Variants in ADHFE1 observed in about 807,000 individuals in gnomAD.
ADHFE1 encodes the protein alcohol dehydrogenase iron containing 1.
In ADHFE1, 37 loss-of-function variants were observed where a neutral mutation model predicts 54.8. The observed-to-expected ratio is 0.68, with a 90% confidence interval of 0.52 to 0.89. ADHFE1 has a LOEUF of 0.89. Ranked by LOEUF, ADHFE1 falls within the 40% of genes least tolerant of loss-of-function variation. The pLI is 0.00. For missense variants in ADHFE1, 601 were observed against 591.2 expected (o/e 1.02, Z -0.17); for synonymous variants, 203 against 229.3 (o/e 0.89, Z 1.04).
chr8:66,432,930 T>G, intron 1 of ADHFE1: 1 of 1,063,890 alleles, frequency 9.4e-7, no homozygotes, highest in East Asian at 6.2e-5. Flanking sequence ...ATATATTATG[T>G]GCCAAAAACT....
At chr8:66,443,264 ATTTTTTTTT>A (rs540464621) in intron 3 of ADHFE1, among the ~76,000 whole-genome samples, 13 of 86,094 alleles carry the variant, frequency 1.5e-4, no homozygotes, top group Admixed American at 7.5e-4. Context: ...TAGTCCAGGA[ATTTTTTTTT>A]TTTTTTTTTT....
At chr8:66,436,924 G>A (rs1036281613) in intron 1 of ADHFE1, among the ~76,000 whole-genome samples, 1 of 152,194 alleles carries the variant, frequency 6.6e-6, no homozygotes, top group African/African-American at 2.4e-5. Flanking sequence ...AGGAGGGAGT[G>A]AACAGGAGGA....
intron 2 of ADHFE1, among the ~76,000 whole-genome samples, chr8:66,441,265 C>T (rs1375592335): frequency 1.3e-5 from 2 of 152,132 alleles, no homozygotes; most frequent in Non-Finnish European, 2.9e-5. Flanking sequence ...GAGACAGGGT[C>T]ACCCTCTGTC....
At chr8:66,455,998 T>C (rs1269551076) in intron 10 of ADHFE1, among the ~76,000 whole-genome samples, 2 of 152,048 alleles carry the variant, frequency 1.3e-5, no homozygotes, top group African/African-American at 4.8e-5. Context: ...TGTTCATCAA[T>C]AGTTCAAGAG....
intron 13 of ADHFE1, among the ~76,000 whole-genome samples, chr8:66,462,515 G>T (rs1005600731): frequency 2.0e-5 from 3 of 152,182 alleles, no homozygotes; most frequent in African/African-American, 7.2e-5. Flanking sequence ...GCTTCCCAAA[G>T]TCCTAGGGTT....
At position 66,459,425 on chromosome 8, in the gene ADHFE1, TA is replaced by T. The variant is rs1315740276; in HGVS notation, c.1163-882del. Reference sequence around the variant, plus strand: ...TTAATTTTTATTATATATATATATATATATATTTTTTTTTTTTTTTTAACAG... The same window carrying T: ...TTAATTTTTATTATATATATATATATTATATTTTTTTTTTTTTTTTAACAG... On this transcript the variant is annotated intron_variant, in intron 12 of 13. Transcript: ENST00000396623. 137 of 107,814 alleles carry T rather than the reference TA, an allele frequency of 1.3e-3. 2 individuals are homozygous for T. The highest frequency in any genetic ancestry group is 8.3e-3 in the Admixed American group (87 of 10,500). 6.7% of individuals were successfully genotyped at this position (107,814 alleles called of 1,614,324 possible).
chr8:66,433,865 A>T (rs1805327491), intron 1 of ADHFE1, among the ~76,000 whole-genome samples: 2 of 152,236 alleles, frequency 1.3e-5, no homozygotes, highest in South Asian at 2.1e-4. Context: ...AGCTGTGTTC[A>T]AATTTTTGGT....
At chr8:66,465,719 C>G (rs1807139220) in intron 13 of ADHFE1, among the ~76,000 whole-genome samples, 1 of 151,982 alleles carries the variant, frequency 6.6e-6, no homozygotes, top group Non-Finnish European at 1.5e-5. Context: ...CCTGCCTTAG[C>G]CTCCTGAGTA....
At chr8:66,445,532 C>A in intron 6 of ADHFE1, 118 bp downstream of exon 6, 2 of 917,744 alleles carry the variant, frequency 2.2e-6, no homozygotes, top group South Asian at 2.0e-5. Flanking sequence ...TTGTTCATTT[C>A]AAATCAATGC....
chr8:66,457,206 C>T (rs771101416), intron 12 of ADHFE1, 40 bp downstream of exon 12: 16 of 1,578,712 alleles, frequency 1.0e-5, no homozygotes, highest in African/African-American at 1.4e-5. Flanking sequence ...CGGCCAGGCA[C>T]GGTGGCTCCC....
At chr8:66,434,762 G>A (rs552575910) in intron 1 of ADHFE1, among the ~76,000 whole-genome samples, 101 of 152,360 alleles carry the variant, frequency 6.6e-4, no homozygotes, top group African/African-American at 2.1e-3. Context: ...GAGGCAAGGC[G>A]TGCACTGGCC....
chr8:66,462,961 A>G (rs529351347), intron 13 of ADHFE1, among the ~76,000 whole-genome samples: 14 of 152,316 alleles, frequency 9.2e-5, no homozygotes, highest in African/African-American at 3.1e-4. Flanking sequence ...AGCTGGTATT[A>G]CAGGCACACA....
At chr8:66,445,765 T>A (rs1225231929) in intron 6 of ADHFE1, among the ~76,000 whole-genome samples, 1 of 152,070 alleles carries the variant, frequency 6.6e-6, no homozygotes, top group Non-Finnish European at 1.5e-5. Flanking sequence ...CACTGTAGAG[T>A]TTAAGGAGAA....
At chr8:66,433,804 C>T (rs911442765) in intron 1 of ADHFE1, among the ~76,000 whole-genome samples, 3 of 152,170 alleles carry the variant, frequency 2.0e-5, no homozygotes, top group Non-Finnish European at 2.9e-5. Flanking sequence ...CTTGGAGAAT[C>T]AAAATATACA....
At chr8:66,463,606 TTTTG>T (rs57960361) in intron 13 of ADHFE1, among the ~76,000 whole-genome samples, 23,811 of 152,008 alleles carry the variant, frequency 0.16, 2,006 homozygotes, top group Middle Eastern at 0.21. Context: ...TACTATGGAA[TTTTG>T]TTTGTTTGTT....
chr8:66,448,829 T>C, intron 7 of ADHFE1, 36 bp from the exon 8 acceptor site: 1 of 1,555,574 alleles, frequency 6.4e-7, no homozygotes, highest in Non-Finnish European at 8.8e-7. Context: ...ATGATGCCCA[T>C]GGCTTTAGCC....
At chr8:66,465,105 A>G (rs1295767232) in intron 13 of ADHFE1, among the ~76,000 whole-genome samples, 1 of 152,204 alleles carries the variant, frequency 6.6e-6, no homozygotes, top group Non-Finnish European at 1.5e-5. Context: ...CATTTTGGTT[A>G]TGCATTTACC....
intron 13 of ADHFE1, among the ~76,000 whole-genome samples, chr8:66,466,391 A>G (rs1452037744): frequency 6.6e-6 from 1 of 152,152 alleles, no homozygotes; most frequent in Non-Finnish European, 1.5e-5. Context: ...TTCTGGTGTT[A>G]CATCCAAGAA....
intron 12 of ADHFE1, among the ~76,000 whole-genome samples, chr8:66,458,570 T>A (rs1259253128): frequency 6.6e-6 from 1 of 152,188 alleles, no homozygotes; most frequent in East Asian, 1.9e-4. Flanking sequence ...ACATTTATGA[T>A]AAATGGGAAA....
Sources: allele counts gnomAD v4.1 joint callset (sites outside exome capture counted in the v4.1 genomes callset), GRCh38; gene constraint gnomAD v4.1.1; transcripts MANE v1.5; gene names NCBI Gene and HGNC (gene_info 2026-07-23, HGNC 2026-07-21).